Variants in UQCC1 observed in about 807,000 individuals in gnomAD.
The protein encoded by UQCC1 is ubiquinol-cytochrome c reductase complex assembly factor 1.
UQCC1 carries 38 observed loss-of-function variants against 48.0 expected under a neutral mutation model. That is an observed-to-expected ratio of 0.79 (90% CI 0.61 to 1.04). UQCC1 has a LOEUF of 1.04. UQCC1 is among the 50% of genes least tolerant of loss of function. The pLI, the probability that UQCC1 is intolerant of heterozygous loss-of-function variation, is 0.00. For missense variants in UQCC1, 368 were observed against 381.8 expected (o/e 0.96, Z 0.30); for synonymous variants, 111 against 129.2 (o/e 0.86, Z 0.95).
At chr20:35,387,310 AAAC>A (rs1462064730) in intron 2 of UQCC1, among the ~76,000 whole-genome samples, 1 of 152,032 alleles carries the variant, frequency 6.6e-6, no homozygotes, top group Non-Finnish European at 1.5e-5. Flanking sequence ...AAAAATAAAA[AAAC>A]AAGAATGACA....
chr20:35,371,757 G>A (rs1334146649), intron 5 of UQCC1, among the ~76,000 whole-genome samples: 1 of 147,842 alleles, frequency 6.8e-6, no homozygotes, highest in Non-Finnish European at 1.5e-5. Context: ...TGTAATCCCT[G>A]CACTTCAGGA....
At chr20:35,380,618 G>A (rs1483884944) in intron 4 of UQCC1, among the ~76,000 whole-genome samples, 3 of 152,174 alleles carry the variant, frequency 2.0e-5, no homozygotes, top group Non-Finnish European at 2.9e-5. Flanking sequence ...GCATTACTTG[G>A]TTGTTCTCAG....
intron 5 of UQCC1, among the ~76,000 whole-genome samples, chr20:35,368,787 G>T (rs559869594): frequency 6.6e-6 from 1 of 152,156 alleles, no homozygotes; most frequent in Non-Finnish European, 1.5e-5. Flanking sequence ...TTACTGGGAG[G>T]TGCCTAGCAG....
chr20:35,346,879 C>A, intron 7 of UQCC1: 1 of 996,066 alleles, frequency 1.0e-6, no homozygotes, highest in Admixed American at 2.8e-5. Flanking sequence ...CCTCCATTCA[C>A]CAAATCCATC....
chr20:35,333,307 C>T (rs567332720), intron 7 of UQCC1, among the ~76,000 whole-genome samples: 2 of 152,186 alleles, frequency 1.3e-5, no homozygotes, highest in South Asian at 4.1e-4. Context: ...ATTCCTGGCA[C>T]AGAGTTTGGC....
At chr20:35,324,762 T>C (rs539762891) in intron 7 of UQCC1, among the ~76,000 whole-genome samples, 2 of 152,366 alleles carry the variant, frequency 1.3e-5, no homozygotes, top group East Asian at 3.9e-4. Flanking sequence ...ACAGCCACTG[T>C]GGAAAACAGT....
chr20:35,366,502 G>A (rs1235565221), intron 6 of UQCC1, 55 bp downstream of exon 6: 3 of 1,513,416 alleles, frequency 2.0e-6, no homozygotes, highest in Non-Finnish European at 9.2e-7. Flanking sequence ...TACCTTACAA[G>A]TCAGCAGTGT....
chr20:35,315,209 A>C (rs1479890541), intron 7 of UQCC1: 1 of 157,136 alleles, frequency 6.4e-6, no homozygotes, highest in African/African-American at 2.4e-5. Flanking sequence ...GCTCTCTAGG[A>C]GGTAACATTT....
intron 7 of UQCC1, among the ~76,000 whole-genome samples, chr20:35,324,729 T>C (rs891263439): frequency 1.3e-5 from 2 of 152,160 alleles, no homozygotes; most frequent in Non-Finnish European, 2.9e-5. Context: ...CCTCATGCAT[T>C]GTTGAAGAAA....
chr20:35,405,978 A>T (rs2062245442), intron 1 of UQCC1, among the ~76,000 whole-genome samples: 1 of 152,242 alleles, frequency 6.6e-6, no homozygotes, highest in Non-Finnish European at 1.5e-5. Context: ...GGCAGAAGAA[A>T]ATAATCAGTG....
At chr20:35,341,832 T>C (rs916119418) in intron 7 of UQCC1, among the ~76,000 whole-genome samples, 1 of 151,166 alleles carries the variant, frequency 6.6e-6, no homozygotes, top group Non-Finnish European at 1.5e-5. Flanking sequence ...TTGGCTGGAG[T>C]GAAGGGTATG....
intron 6 of UQCC1, among the ~76,000 whole-genome samples, chr20:35,351,619 T>C (rs188322510): frequency 3.0e-4 from 46 of 152,320 alleles, no homozygotes; most frequent in African/African-American, 1.0e-3. Flanking sequence ...CAGAGGCCAA[T>C]TCATCAACAG....
At chr20:35,408,602 C>T (rs570414801) in intron 1 of UQCC1, among the ~76,000 whole-genome samples, 14 of 151,920 alleles carry the variant, frequency 9.2e-5, no homozygotes, top group Non-Finnish European at 1.9e-4. Context: ...CCTGTAGTCC[C>T]AGCACTTTGG....
chr20:35,411,303 T>C (rs1178304100), intron 1 of UQCC1, among the ~76,000 whole-genome samples: 1 of 152,208 alleles, frequency 6.6e-6, no homozygotes, highest in East Asian at 1.9e-4. Context: ...TAGTCTTTCC[T>C]TACTTCATTC....
chr20:35,313,602 G>T lies in UQCC1; in HGVS notation c.651+1086C>A, dbSNP rs147211989. Among the ~76,000 whole-genome samples, 925 of 152,224 alleles carry T rather than the reference G, an allele frequency of 6.1e-3. 9 individuals are homozygous for T. Among genetic ancestry groups the T allele is most frequent in the African/African-American group, 0.012 (502 of 41,544 alleles). On this transcript the variant is annotated intron_variant, in intron 8 of 9. Transcript: ENST00000374385. ...TTAAGTTTTCGTCTGGAGCAGGGTA[G>T]GAAATAGGTCTTCTAATTTCATTTT...
chr20:35,321,949 T>C (rs6060370), intron 7 of UQCC1, among the ~76,000 whole-genome samples: 60,252 of 152,030 alleles, frequency 0.4, 13,152 homozygotes, highest in African/African-American at 0.58. Context: ...ATTTGTCCAG[T>C]TGAGAAAACA....
chr20:35,353,265 C>T (rs191136705), intron 6 of UQCC1, among the ~76,000 whole-genome samples: 5 of 151,632 alleles, frequency 3.3e-5, no homozygotes, highest in Admixed American at 1.3e-4. Context: ...GGCATGGTGG[C>T]GCGTGCCTGT....
chr20:35,317,136 C>T (rs930321238), intron 7 of UQCC1, among the ~76,000 whole-genome samples: 1 of 151,872 alleles, frequency 6.6e-6, no homozygotes, highest in African/African-American at 2.4e-5. Flanking sequence ...TGGGGTTTCA[C>T]CATGTTGGCC....
At chr20:35,397,503 G>A (rs1466042722) in intron 1 of UQCC1, among the ~76,000 whole-genome samples, 4 of 135,846 alleles carry the variant, frequency 2.9e-5, no homozygotes, top group Non-Finnish European at 6.1e-5. Context: ...GTGACAGAGC[G>A]AGACTGTCTC....
Sources: allele counts gnomAD v4.1 joint callset (sites outside exome capture counted in the v4.1 genomes callset), GRCh38; gene constraint gnomAD v4.1.1; transcripts MANE v1.5; gene names NCBI Gene and HGNC (gene_info 2026-07-23, HGNC 2026-07-21).